Variants in TAFA5 observed in about 807,000 individuals in gnomAD.
The protein encoded by TAFA5 is chemokine-like protein TAFA-5.
In TAFA5, 6 loss-of-function variants were observed where a neutral mutation model predicts 15.3. The ratio of observed to expected loss-of-function variants is 0.39; its 90% CI spans 0.21 to 0.77. The LOEUF (loss-of-function observed/expected upper bound fraction) is 0.77, where lower values mean the gene tolerates loss of function less well. Among genes scored for constraint, TAFA5 ranks in the 30% least tolerant of loss-of-function variants. The pLI is 0.41. For synonymous variants in TAFA5, 103 were observed against 80.7 expected (o/e 1.28, Z -1.48); for missense variants, 161 against 193.1 (o/e 0.83, Z 0.98).
chr22:48,598,802 G>A lies in TAFA5; in HGVS notation c.113-47795G>A, dbSNP rs1924860555. Among the ~76,000 whole-genome samples the A allele has an allele frequency of 1.3e-5, 2 of 152,148 alleles. No homozygotes were observed. Among genetic ancestry groups the A allele is most frequent in the African/African-American group, 2.4e-5 (1 of 41,424 alleles). On this transcript the variant is annotated intron_variant, in intron 1 of 3. Coordinates refer to ENST00000402357, the MANE Select transcript of TAFA5 (RefSeq NM_001082967.3). This position sits in a 1 kb window ranked among gnomAD's most constrained non-coding sequence, Gnocchi z 4.0. Reference sequence around the variant, plus strand: ...AGACTGCTCCCCCTTCAGATACCAAGTCCAAGTGCCACCAGTGGAACCAAG... The same window carrying A: ...AGACTGCTCCCCCTTCAGATACCAAATCCAAGTGCCACCAGTGGAACCAAG...
chr22:48,517,395 T>C (rs1569165340), intron 1 of TAFA5, among the ~76,000 whole-genome samples: 2 of 152,132 alleles, frequency 1.3e-5, no homozygotes, highest in South Asian at 2.1e-4. Flanking sequence ...AGATGCAAGA[T>C]GGGAAGCAGC....
At chr22:48,672,530 G>A (rs1334476912) in intron 2 of TAFA5, among the ~76,000 whole-genome samples, 2 of 152,204 alleles carry the variant, frequency 1.3e-5, no homozygotes, top group African/African-American at 2.4e-5. Flanking sequence ...GATTTGTTGT[G>A]TGTGATACCG....
At chr22:48,747,768 A>T (rs965713325) in intron 3 of TAFA5, among the ~76,000 whole-genome samples, 1 of 152,010 alleles carries the variant, frequency 6.6e-6, no homozygotes, top group African/African-American at 2.4e-5. Flanking sequence ...ATGGAGGCGC[A>T]TGCCTGTAGT....
chr22:48,669,703 C>A (rs1601658343), intron 2 of TAFA5, among the ~76,000 whole-genome samples: 1 of 152,184 alleles, frequency 6.6e-6, no homozygotes, highest in Admixed American at 6.5e-5. Flanking sequence ...CTCCTGGGGG[C>A]AAAGGGGCCA....
intron 1 of TAFA5, among the ~76,000 whole-genome samples, chr22:48,630,415 G>C (rs138436601): frequency 3.7e-4 from 56 of 152,312 alleles, no homozygotes; most frequent in Middle Eastern, 3.4e-3. Context: ...CTCCACTGCT[G>C]CCTCGGCCCT....
chr22:48,564,306 C>T (rs1027608883), intron 1 of TAFA5, among the ~76,000 whole-genome samples: 1 of 152,270 alleles, frequency 6.6e-6, no homozygotes. Context: ...CAAGCCAGAG[C>T]AGCTACCTAA....
intron 1 of TAFA5, among the ~76,000 whole-genome samples, chr22:48,629,685 G>A (rs774186121): frequency 6.6e-6 from 1 of 152,014 alleles, no homozygotes; most frequent in Non-Finnish European, 1.5e-5. Context: ...TTGTTCCAAC[G>A]TGGGATGCAT....
intron 1 of TAFA5, among the ~76,000 whole-genome samples, chr22:48,597,953 C>A (rs1262975122): frequency 1.3e-5 from 2 of 152,226 alleles, no homozygotes; most frequent in Non-Finnish European, 1.5e-5. Flanking sequence ...AGTCCCGGCC[C>A]TCCATGGTGG....
chr22:48,507,866 G>A (rs911962506), intron 1 of TAFA5, among the ~76,000 whole-genome samples: 4 of 152,152 alleles, frequency 2.6e-5, no homozygotes, highest in Non-Finnish European at 4.4e-5. Context: ...GGGCCAGGAA[G>A]CTGGGGGTTC....
At chr22:48,600,405 C>G (rs28552914) in intron 1 of TAFA5, among the ~76,000 whole-genome samples, 1 of 152,206 alleles carries the variant, frequency 6.6e-6, no homozygotes, top group African/African-American at 2.4e-5. Flanking sequence ...CGCACCAGCT[C>G]TGGGACATGA....
intron 1 of TAFA5, among the ~76,000 whole-genome samples, chr22:48,593,082 G>A (rs1318492468): frequency 6.6e-6 from 1 of 152,204 alleles, no homozygotes; most frequent in African/African-American, 2.4e-5. Flanking sequence ...CGGGAATCCC[G>A]ACAGGAGCCG....
intron 3 of TAFA5, among the ~76,000 whole-genome samples, chr22:48,720,569 A>G (rs954130304): frequency 6.6e-6 from 1 of 152,160 alleles, no homozygotes; most frequent in Non-Finnish European, 1.5e-5. Flanking sequence ...CCCACCGTGC[A>G]TAGCCAGGAC....
At chr22:48,623,563 G>C (rs553037222) in intron 1 of TAFA5, among the ~76,000 whole-genome samples, 1 of 152,212 alleles carries the variant, frequency 6.6e-6, no homozygotes, top group African/African-American at 2.4e-5. Flanking sequence ...GGTGGAGGAA[G>C]GGGGCGGCTC....
intron 3 of TAFA5, among the ~76,000 whole-genome samples, chr22:48,715,665 G>C (rs535311332): frequency 6.6e-6 from 1 of 152,180 alleles, no homozygotes; most frequent in Non-Finnish European, 1.5e-5. Context: ...AGCCTGTCCT[G>C]CTGGAGAGAA....
In TAFA5 at chr22:48,693,203, G is replaced by T. The variant is rs1255495380; in HGVS notation, c.263-14514G>T. The T allele has an allele frequency of 7.2e-6, 9 of 1,247,258 alleles. No homozygotes were observed. In the East Asian group the frequency reaches 2.3e-4, roughly 32 times the overall value. The allele number at this position is 1,247,258 out of a possible 1,614,324, so 77.3% of individuals were successfully genotyped here. On this transcript the variant is annotated intron_variant, in intron 2 of 3. Coordinates refer to ENST00000402357, the MANE Select transcript of TAFA5 (RefSeq NM_001082967.3). ...TCTGCCTGGAGGGGCCTCAGTGACGGGGCCTCACTCGTCCTCAGAGCAGCC... is the reference window on the plus strand; with the variant it reads ...TCTGCCTGGAGGGGCCTCAGTGACGTGGCCTCACTCGTCCTCAGAGCAGCC...
At chr22:48,591,741 T>C (rs1486158532) in intron 1 of TAFA5, among the ~76,000 whole-genome samples, 2 of 152,070 alleles carry the variant, frequency 1.3e-5, no homozygotes, top group African/African-American at 4.8e-5. Flanking sequence ...AGCCCTGAAC[T>C]GATGTGGGCA....
At chr22:48,609,511 T>G (rs28521722) in intron 1 of TAFA5, among the ~76,000 whole-genome samples, 19,543 of 152,120 alleles carry the variant, frequency 0.13, 1,369 homozygotes, top group African/African-American at 0.17. Context: ...GGAGTGGGGT[T>G]GGGCCTTGGA....
At chr22:48,548,159 G>T (rs888181462) in intron 1 of TAFA5, among the ~76,000 whole-genome samples, 27 of 152,216 alleles carry the variant, frequency 1.8e-4, no homozygotes, top group African/African-American at 6.0e-4. Flanking sequence ...ATCTGGCCCC[G>T]TGGGGCTTTG....
chr22:48,655,958 C>A (rs1487974792), intron 2 of TAFA5, among the ~76,000 whole-genome samples: 1 of 150,334 alleles, frequency 6.7e-6, no homozygotes, highest in Non-Finnish European at 1.5e-5. Context: ...TCTGCCTCAG[C>A]CTCCCGAGTA....
Sources: gnomAD v4.1 joint callset for allele counts (sites outside exome capture counted in the v4.1 genomes callset) on GRCh38, gnomAD v4.1.1 for gene constraint, Gnocchi (gnomAD v3.1) non-coding constraint, MANE v1.5 for transcripts, NCBI Gene and HGNC (gene_info 2026-07-23, HGNC 2026-07-21) for gene names.